The following AREG variants were observed in gnomAD, a reference collection of about 807,000 sequenced individuals.
The protein encoded by AREG is amphiregulin.
A neutral mutation model predicts 28.0 loss-of-function variants in AREG; 16 were observed. The observed-to-expected ratio is 0.57, with a 90% CI of 0.39 to 0.87. AREG has a LOEUF of 0.87. Ranked by LOEUF, AREG falls within the 40% of genes least tolerant of loss-of-function variation. The pLI, the probability that AREG is intolerant of heterozygous loss-of-function variation, is 0.00. For missense variants in AREG, 287 were observed against 309.1 expected, an observed-to-expected ratio of 0.93 and a Z score of 0.53; for synonymous variants, 113 against 113.5, an observed-to-expected ratio of 1.00 and a Z score of 0.02.
chr4:74,445,533 C>A, intron 1 of AREG, 127 bp downstream of exon 1: 1 of 1,497,554 alleles, frequency 6.7e-7, no homozygotes, highest in South Asian at 1.3e-5. Flanking sequence ...AGGAGGTGAT[C>A]ACTGTAGCTC....
chr4:74,453,267 A>G (rs1719408873), intron 5 of AREG, among the ~76,000 whole-genome samples: 1 of 152,194 alleles, frequency 6.6e-6, no homozygotes, highest in Non-Finnish European at 1.5e-5. Context: ...TGCACTGATA[A>G]TGTGAGGGCA....
chr4:74,451,997 G>A (rs1295269930), intron 4 of AREG, among the ~76,000 whole-genome samples: 1 of 152,050 alleles, frequency 6.6e-6, no homozygotes, highest in Non-Finnish European at 1.5e-5. Flanking sequence ...ATAATGTTTT[G>A]TGGTGGGTTA....
chr4:74,448,940 T>C, intron 2 of AREG, 107 bp from the exon 3 acceptor site: 2 of 1,476,520 alleles, frequency 1.4e-6, no homozygotes, highest in South Asian at 2.5e-5. Context: ...GAGGCACGCA[T>C]GGCTGTTACC....
chr4:74,446,929 G>T, intron 2 of AREG, 147 bp downstream of exon 2: 1 of 1,529,444 alleles, frequency 6.5e-7, no homozygotes, highest in Non-Finnish European at 8.9e-7. Context: ...GTGACAAAAA[G>T]AACCATAATG....
chr4:74,447,852 TGTGAGGTGG>T (rs1369754372), intron 2 of AREG, among the ~76,000 whole-genome samples: 3 of 152,186 alleles, frequency 2.0e-5, no homozygotes, highest in Non-Finnish European at 4.4e-5. Context: ...TGTGCTTTTC[TGTGAGGTGG>T]GTAAGGGGTT....
chr4:74,448,060 G>A lies in AREG; in HGVS notation c.311-987G>A, dbSNP rs972314685. Among the ~76,000 whole-genome samples the A allele has an allele frequency of 3.9e-5, 6 of 152,298 alleles. No individual in the cohort carries two copies. The East Asian group carries it at 7.7e-4, about 20-fold the overall frequency. On this transcript the variant is annotated intron_variant, in intron 2 of 5. Transcript: ENST00000395748. The stretch of plus-strand genomic sequence containing the variant: ...GTGAAAATGTTGGCTGAACACCTTC[G>A]AAAGGCTAAGTTAAATGTCCATGAT...
intron 3 of AREG, among the ~76,000 whole-genome samples, chr4:74,449,934 T>TCTC (rs1719354760): frequency 8.5e-6 from 1 of 117,352 alleles, no homozygotes; most frequent in African/African-American, 3.6e-5. Context: ...CTCTCTCTCT[T>TCTC]TCTTTCTATA....
At chr4:74,446,479 T>G in intron 1 of AREG, 55 bp from the exon 2 acceptor site, 2 of 1,613,934 alleles carry the variant, frequency 1.2e-6, no homozygotes, top group East Asian at 4.5e-5. Context: ...CACAGCTGAC[T>G]CGAAAGGCAC....
At chr4:74,453,532 A>G (rs1719413198) in intron 5 of AREG, among the ~76,000 whole-genome samples, 1 of 152,190 alleles carries the variant, frequency 6.6e-6, no homozygotes, top group Non-Finnish European at 1.5e-5. Context: ...AGTTTGTCAG[A>G]AGAAGGAACT....
chr4:74,451,349 A>G (rs1275135829), intron 4 of AREG, among the ~76,000 whole-genome samples: 2 of 152,142 alleles, frequency 1.3e-5, no homozygotes, highest in Non-Finnish European at 2.9e-5. Flanking sequence ...CTCTGTGATG[A>G]CTCATGTGCT....
chr4:74,446,481 G>A (rs954098195), intron 1 of AREG, 53 bp from the exon 2 acceptor site: 19 of 1,613,720 alleles, frequency 1.2e-5, no homozygotes, highest in Middle Eastern at 1.6e-4. Flanking sequence ...CAGCTGACTC[G>A]AAAGGCACCC....
At position 74,445,153 on chromosome 4, in the gene AREG, G is replaced by C; in HGVS notation, c.-193G>C. Reference sequence around the variant, plus strand: ...CGCCCTACAGACGTTCGCACACCTGGGTGCCAGCGCCCCAGAGGTCCCGGG... The same window carrying C: ...CGCCCTACAGACGTTCGCACACCTGCGTGCCAGCGCCCCAGAGGTCCCGGG... On this transcript the variant is annotated 5_prime_UTR_variant, in exon 1 of 6. Coordinates refer to ENST00000395748, the MANE Select transcript of AREG (RefSeq NM_001657.4). 1 of 1,285,146 alleles carries C rather than the reference G, an allele frequency of 7.8e-7. No individual in the cohort carries two copies. The highest frequency in any genetic ancestry group is 1.0e-6 in the Non-Finnish European group (1 of 957,772). 79.6% of individuals were successfully genotyped at this position (1,285,146 alleles called of 1,614,324 possible).
chr4:74,448,845 G>A, intron 2 of AREG: 1 of 675,570 alleles, frequency 1.5e-6, no homozygotes, highest in Non-Finnish European at 2.4e-6. Flanking sequence ...AATCATGAGT[G>A]GACACTACTT....
intron 3 of AREG, 84 bp from the exon 4 acceptor site, chr4:74,450,296 A>G (rs1719360831): frequency 1.2e-6 from 2 of 1,606,344 alleles, no homozygotes; most frequent in East Asian, 4.5e-5. Flanking sequence ...TTGGAATTAA[A>G]TGGTTCTTTA....
chr4:74,446,154 G>A (rs1359024004), intron 1 of AREG, among the ~76,000 whole-genome samples: 1 of 152,034 alleles, frequency 6.6e-6, no homozygotes, highest in Admixed American at 6.6e-5. Context: ...AAAACCTACC[G>A]AAATAGGCCA....
rs929803507 is a variant in AREG at position 74,454,857 on chromosome 4, GT to G, written c.*121del. The G allele has an allele frequency of 1.3e-5, 9 of 699,230 alleles. No homozygotes were observed. Among genetic ancestry groups the G allele is most frequent in the Non-Finnish European group, 2.1e-5 (8 of 383,166 alleles). The allele number at this position is 699,230 out of a possible 1,614,324, so 43.3% of individuals were successfully genotyped here. ...ACAATGGACCCTTTTTGTTATGATG[GT>G]TTTAAACTTTCAATTGTCACTTTTT... On this transcript the variant is annotated 3_prime_UTR_variant, in exon 6 of 6. Coordinates refer to ENST00000395748, the MANE Select transcript of AREG (RefSeq NM_001657.4).
At chr4:74,446,165 G>A (rs1476667590) in intron 1 of AREG, among the ~76,000 whole-genome samples, 1 of 152,184 alleles carries the variant, frequency 6.6e-6, no homozygotes, top group Non-Finnish European at 1.5e-5. Flanking sequence ...AAATAGGCCA[G>A]GATGGCATTC....
intron 5 of AREG, among the ~76,000 whole-genome samples, chr4:74,453,399 G>T (rs1719411534): frequency 6.6e-6 from 1 of 152,134 alleles, no homozygotes; most frequent in Non-Finnish European, 1.5e-5. Flanking sequence ...AGAGAACTGA[G>T]CATGTTGTAG....
intron 4 of AREG, among the ~76,000 whole-genome samples, chr4:74,451,689 TA>T (rs1719384733): frequency 6.6e-6 from 1 of 152,182 alleles, no homozygotes; most frequent in African/African-American, 2.4e-5. Flanking sequence ...ATTATTATTT[TA>T]AAGGATAGAA....
Sources: allele counts gnomAD v4.1 joint callset (sites outside exome capture counted in the v4.1 genomes callset), GRCh38; gene constraint gnomAD v4.1.1; transcripts MANE v1.5; gene names NCBI Gene and HGNC (gene_info 2026-07-23, HGNC 2026-07-21).